ADGRL2: variants seen among roughly 807,000 people sequenced by gnomAD.
ADGRL2 encodes the protein adhesion G protein-coupled receptor L2.
A neutral mutation model predicts 157.4 loss-of-function variants in ADGRL2; 44 were observed. That is an observed-to-expected ratio of 0.28 (90% confidence interval 0.22 to 0.36). The LOEUF (loss-of-function observed/expected upper bound fraction) is 0.36. ADGRL2 is among the 10% of genes least tolerant of loss of function. ADGRL2 has a pLI of 1.00. For synonymous variants in ADGRL2, 585 were observed against 624.7 expected (o/e 0.94, Z 0.95); for missense variants, 1,510 against 1,768.9 (o/e 0.85, Z 2.63).
intron 2 of ADGRL2, among the ~76,000 whole-genome samples, chr1:81,848,374 T>C (rs187938675): frequency 2.6e-4 from 39 of 151,902 alleles, no homozygotes; most frequent in African/African-American, 9.1e-4. Context: ...ATTAGTAGTG[T>C]AGAATTTTTC....
chr1:81,480,736 T>C (rs2078368610), intron 2 of ADGRL2, among the ~76,000 whole-genome samples: 1 of 152,224 alleles, frequency 6.6e-6, no homozygotes, highest in South Asian at 2.1e-4. Flanking sequence ...ATGAGTTATC[T>C]GATGTCTAGT....
intron 1 of ADGRL2, among the ~76,000 whole-genome samples, chr1:81,338,449 G>C (rs1291777252): frequency 6.6e-6 from 1 of 152,030 alleles, no homozygotes; most frequent in East Asian, 1.9e-4. Context: ...TATCTAGTCT[G>C]GCTCAGGCAC....
At chr1:81,952,932 C>A in intron 9 of ADGRL2, 55 bp from the exon 10 acceptor site, 1 of 1,379,030 alleles carries the variant, frequency 7.3e-7, no homozygotes, top group Non-Finnish European at 1.0e-6. Flanking sequence ...CTTCTTTCCT[C>A]ATTTTCAGCA....
intron 2 of ADGRL2, chr1:81,501,918 T>A: frequency 6.2e-7 from 1 of 1,613,800 alleles, no homozygotes; most frequent in South Asian, 1.1e-5. Context: ...GCCCAAAAGC[T>A]GGTCACGCAG....
intron 2 of ADGRL2, among the ~76,000 whole-genome samples, chr1:81,493,104 C>G (rs560860403): frequency 1.3e-5 from 2 of 152,246 alleles, no homozygotes; most frequent in East Asian, 3.9e-4. Flanking sequence ...ATATTTGTAT[C>G]TAAATGTGAT....
chr1:81,877,460 C>T (rs897268161), intron 2 of ADGRL2, among the ~76,000 whole-genome samples: 9 of 152,004 alleles, frequency 5.9e-5, no homozygotes, highest in Non-Finnish European at 1.2e-4. Context: ...TAGTAAGATG[C>T]TACATCAGTG....
intron 1 of ADGRL2, among the ~76,000 whole-genome samples, chr1:81,757,366 G>A (rs1266680697): frequency 6.6e-6 from 1 of 152,126 alleles, no homozygotes; most frequent in Non-Finnish European, 1.5e-5. Context: ...TTGAATCCTT[G>A]TGGATGAATT....
chr1:81,899,755 G>T (rs2094455130), intron 2 of ADGRL2, among the ~76,000 whole-genome samples: 1 of 152,140 alleles, frequency 6.6e-6, no homozygotes. Flanking sequence ...TGAAAATACG[G>T]CTTGGAATGA....
At chr1:81,338,656 G>A (rs1661831008) in intron 1 of ADGRL2, among the ~76,000 whole-genome samples, 1 of 152,142 alleles carries the variant, frequency 6.6e-6, no homozygotes, top group African/African-American at 2.4e-5. Flanking sequence ...GTTAATAATT[G>A]CATAGTATTC....
intron 1 of ADGRL2, among the ~76,000 whole-genome samples, chr1:81,362,346 T>C (rs1453831124): frequency 1.3e-5 from 2 of 151,874 alleles, no homozygotes; most frequent in Admixed American, 1.3e-4. Flanking sequence ...AAAGAACTCT[T>C]TTCATTATGT....
intron 1 of ADGRL2, among the ~76,000 whole-genome samples, chr1:81,404,856 C>T (rs1049157098): frequency 6.6e-6 from 1 of 152,090 alleles, no homozygotes; most frequent in Non-Finnish European, 1.5e-5. Flanking sequence ...TGTAGCATCT[C>T]CTTATCTTTA....
rs534277004 is a variant in ADGRL2, at chr1:81,493,279, A to G, written c.-248+48190A>G. Among the ~76,000 whole-genome samples the G allele has an allele frequency of 4.1e-4, 63 of 152,340 alleles. No individual in the cohort carries two copies. In the South Asian group the frequency reaches 5.0e-3, roughly 12 times the overall value. ...GCAATGTGAGGTTGCCCTGCATGTC[A>G]GCATGACAAGACAGTGTATAACTCT... On this transcript the variant is annotated intron_variant, in intron 2 of 24. Coordinates refer to the ADGRL2 transcript ENST00000370721.
At chr1:81,981,649 G>A (rs966753041) in intron 18 of ADGRL2, among the ~76,000 whole-genome samples, 159 bp from the exon 19 acceptor site, 2 of 151,944 alleles carry the variant, frequency 1.3e-5, no homozygotes, top group African/African-American at 4.8e-5. Flanking sequence ...AAATGCTATT[G>A]TTCTTTCTTA....
chr1:81,504,830 G>A lies in ADGRL2; in HGVS notation c.-248+59741G>A, dbSNP rs189866174. On this transcript the variant is annotated intron_variant, in intron 2 of 24. Coordinates refer to the ADGRL2 transcript ENST00000370721. The stretch of plus-strand genomic sequence containing the variant: ...AGGGCACAGGCAGGCTGGGGTCCTC[G>A]CTGGCCTTGCCAGAGGTTGAGCCGC... Among the ~76,000 whole-genome samples, 1,512 of 152,314 alleles carry A rather than the reference G, an allele frequency of 9.9e-3. 13 individuals carry two copies. The highest frequency in any genetic ancestry group is 0.023 in the African/African-American group (957 of 41,566).
intron 1 of ADGRL2, among the ~76,000 whole-genome samples, chr1:81,748,491 A>C (rs2085382809): frequency 6.8e-6 from 1 of 147,310 alleles, no homozygotes; most frequent in Admixed American, 6.7e-5. Context: ...AAAAAAAAAA[A>C]GAAAGAAAGA....
chr1:81,508,006 A>G (rs921130968), intron 2 of ADGRL2, among the ~76,000 whole-genome samples: 1 of 152,082 alleles, frequency 6.6e-6, no homozygotes, highest in African/African-American at 2.4e-5. Flanking sequence ...TCTTGACTTT[A>G]TTTTGCCTTT....
chr1:81,877,185 A>T (rs1371426971), intron 2 of ADGRL2, among the ~76,000 whole-genome samples: 2 of 152,124 alleles, frequency 1.3e-5, no homozygotes, highest in Non-Finnish European at 2.9e-5. Flanking sequence ...GACTTTCCCA[A>T]TTAAGAGTAT....
chr1:81,541,997 T>A (rs1011322062), intron 2 of ADGRL2, among the ~76,000 whole-genome samples: 1 of 152,012 alleles, frequency 6.6e-6, no homozygotes, highest in Non-Finnish European at 1.5e-5. Flanking sequence ...CCAAACAATA[T>A]CTTGGAATAA....
chr1:81,699,332 G>C (rs1258134830), upstream of ADGRL2, among the ~76,000 whole-genome samples: 2 of 152,204 alleles, frequency 1.3e-5, no homozygotes, highest in Non-Finnish European at 2.9e-5. Flanking sequence ...GAACAGCCCA[G>C]TCCTGCTCAC....
Sources: gnomAD v4.1 joint callset for allele counts (sites outside exome capture counted in the v4.1 genomes callset) on GRCh38, gnomAD v4.1.1 for gene constraint, MANE v1.5 for transcripts, NCBI Gene and HGNC (gene_info 2026-07-23, HGNC 2026-07-21) for gene names.